GRM8: variants seen among roughly 807,000 people sequenced by gnomAD.
The protein encoded by GRM8 is metabotropic glutamate receptor 8.
A neutral mutation model predicts 87.2 loss-of-function variants in GRM8; 47 were observed. That is an observed-to-expected ratio of 0.54 (90% CI 0.43 to 0.69). The LOEUF (loss-of-function observed/expected upper bound fraction) is 0.69, where lower values mean the gene tolerates loss of function less well. Ranked by LOEUF, GRM8 falls within the 30% of genes least tolerant of loss-of-function variation. GRM8 has a pLI of 0.00. For missense variants in GRM8, 1,019 were observed against 1,139.2 expected (o/e 0.89, Z 1.52); for synonymous variants, 396 against 404.5 (o/e 0.98, Z 0.25).
intron 3 of GRM8, among the ~76,000 whole-genome samples, chr7:126,983,423 A>G (rs1469598827): frequency 1.3e-5 from 2 of 152,034 alleles, no homozygotes; most frequent in Non-Finnish European, 2.9e-5. Flanking sequence ...CTTCCAATAT[A>G]CGGTACTGCT....
intron 6 of GRM8, among the ~76,000 whole-genome samples, chr7:126,827,791 G>C (rs1343990307): frequency 6.6e-6 from 1 of 152,156 alleles, no homozygotes; most frequent in Admixed American, 6.5e-5. Flanking sequence ...TCTTGTGCCA[G>C]TTTTCAAAGG....
intron 8 of GRM8, among the ~76,000 whole-genome samples, chr7:126,550,148 C>T (rs1361961976): frequency 6.6e-6 from 1 of 151,832 alleles, no homozygotes. Flanking sequence ...GACGGTCTCC[C>T]TCTGTCCCCA....
chr7:127,175,015 T>C (rs1794017284), intron 2 of GRM8, among the ~76,000 whole-genome samples: 1 of 152,176 alleles, frequency 6.6e-6, no homozygotes, highest in Non-Finnish European at 1.5e-5. Context: ...AGATTAGTTT[T>C]ATAAGGAGAT....
intron 6 of GRM8, among the ~76,000 whole-genome samples, chr7:126,872,222 T>C (rs80236144): frequency 0.025 from 3,849 of 152,260 alleles, 175 homozygotes; most frequent in African/African-American, 0.087. Context: ...GAGCAAACTC[T>C]TCAAAGGGCT....
intron 2 of GRM8, among the ~76,000 whole-genome samples, chr7:127,209,638 G>GA (rs1165873762): frequency 6.6e-6 from 1 of 152,156 alleles, no homozygotes; most frequent in African/African-American, 2.4e-5. Flanking sequence ...GTCCTTTGGG[G>GA]ATTGTAATGC....
At chr7:126,856,487 A>G (rs991892554) in intron 6 of GRM8, among the ~76,000 whole-genome samples, 1 of 152,104 alleles carries the variant, frequency 6.6e-6, no homozygotes, top group Non-Finnish European at 1.5e-5. Context: ...TTTGTTTGTT[A>G]TTCTCCTAAT....
intron 3 of GRM8, among the ~76,000 whole-genome samples, chr7:126,988,707 T>C (rs756224505): frequency 6.6e-6 from 1 of 152,232 alleles, no homozygotes; most frequent in African/African-American, 2.4e-5. Flanking sequence ...GAATTTTAGT[T>C]GATGTAAGTA....
intron 2 of GRM8, among the ~76,000 whole-genome samples, chr7:127,215,602 G>A (rs1796478689): frequency 6.6e-6 from 1 of 152,070 alleles, no homozygotes; most frequent in Non-Finnish European, 1.5e-5. Flanking sequence ...CACCACCCTG[G>A]TGTCAGCTCT....
chr7:126,945,385 G>A (rs1214338270), intron 3 of GRM8, among the ~76,000 whole-genome samples: 1 of 152,084 alleles, frequency 6.6e-6, no homozygotes, highest in East Asian at 1.9e-4. Flanking sequence ...TTTTATACAG[G>A]TTGAGCATCC....
At chr7:127,172,886 T>C (rs1490336292) in intron 2 of GRM8, among the ~76,000 whole-genome samples, 1 of 152,200 alleles carries the variant, frequency 6.6e-6, no homozygotes, top group African/African-American at 2.4e-5. Flanking sequence ...TGGAGTTTTC[T>C]CAGATTCTTT....
intron 3 of GRM8, among the ~76,000 whole-genome samples, chr7:127,093,787 A>G (rs757175702): frequency 4.6e-5 from 7 of 152,180 alleles, no homozygotes; most frequent in Admixed American, 4.6e-4. Flanking sequence ...GGGACCCCCA[A>G]TGAATCATGA....
chr7:126,706,359 G>C (rs1810519266), intron 7 of GRM8, among the ~76,000 whole-genome samples: 1 of 152,086 alleles, frequency 6.6e-6, no homozygotes, highest in Non-Finnish European at 1.5e-5. Flanking sequence ...TAATGGTCTA[G>C]TTCCTGTCCA....
At chr7:127,209,575 C>G (rs774017983) in intron 2 of GRM8, among the ~76,000 whole-genome samples, 2 of 152,136 alleles carry the variant, frequency 1.3e-5, no homozygotes, top group Non-Finnish European at 2.9e-5. Context: ...CCAGGGGGAT[C>G]CCAGCATCCT....
At chr7:126,965,192 G>C (rs1365597948) in intron 3 of GRM8, among the ~76,000 whole-genome samples, 1 of 151,992 alleles carries the variant, frequency 6.6e-6, no homozygotes, top group Admixed American at 6.6e-5. Flanking sequence ...GATAGCATTA[G>C]GAGAAATACC....
At chr7:127,065,195 A>C (rs193270560) in intron 3 of GRM8, among the ~76,000 whole-genome samples, 173 of 152,370 alleles carry the variant, frequency 1.1e-3, no homozygotes, top group Non-Finnish European at 1.9e-3. Context: ...GCCATAAAAA[A>C]GAACCAGATC....
intron 6 of GRM8, among the ~76,000 whole-genome samples, chr7:126,887,136 T>G (rs1307841007): frequency 6.6e-6 from 1 of 151,810 alleles, no homozygotes; most frequent in Non-Finnish European, 1.5e-5. Context: ...CAGCAGAGAG[T>G]GTTTCAAGAA....
chr7:127,220,526 C>A, intron 2 of GRM8, among the ~76,000 whole-genome samples: 1 of 151,916 alleles, frequency 6.6e-6, no homozygotes, highest in East Asian at 1.9e-4. Flanking sequence ...ACTCTGTTGC[C>A]CAAGCTGGAG....
At chr7:126,617,200 A>T (rs7459161) in intron 7 of GRM8, among the ~76,000 whole-genome samples, 46,835 of 152,088 alleles carry the variant, frequency 0.31, 8,088 homozygotes, top group East Asian at 0.43. Flanking sequence ...GCTTCATCCC[A>T]GGGATGCAAG....
intron 8 of GRM8, among the ~76,000 whole-genome samples, chr7:126,601,450 A>C (rs1415092812): frequency 2.0e-5 from 3 of 152,150 alleles, no homozygotes; most frequent in African/African-American, 4.8e-5. Flanking sequence ...TATACCCAGT[A>C]ATGGGATGGC....
Sources: gnomAD v4.1 joint callset for allele counts (sites outside exome capture counted in the v4.1 genomes callset) on GRCh38, gnomAD v4.1.1 for gene constraint, MANE v1.5 for transcripts, NCBI Gene and HGNC (gene_info 2026-07-23, HGNC 2026-07-21) for gene names.